The following CCDC171 variants were observed in gnomAD, a reference collection of about 807,000 sequenced individuals.
CCDC171 encodes coiled-coil domain-containing protein 171.
Under a neutral mutation model 168.2 loss-of-function variants are expected in CCDC171, and 177 were observed. The ratio of observed to expected loss-of-function variants is 1.05; its 90% CI spans 0.93 to 1.19. The LOEUF is 1.19. CCDC171 is among the 50% of genes most tolerant of loss of function. CCDC171 has a pLI of 0.00. For synonymous variants in CCDC171, 687 were observed against 540.8 expected (o/e 1.27, Z -3.75); for missense variants, 1,991 against 1,539.0 (o/e 1.29, Z -4.91).
chr9:16,036,619 G>A (rs1327726253), intron 8 of CCDC171, among the ~76,000 whole-genome samples: 1 of 152,270 alleles, frequency 6.6e-6, no homozygotes, highest in Non-Finnish European at 1.5e-5. Context: ...ACTCCAGCCT[G>A]GGCCACAGAG....
At chr9:16,013,925 G>T (rs1207320917) in intron 3 of CCDC171, among the ~76,000 whole-genome samples, 6 of 152,200 alleles carry the variant, frequency 3.9e-5, no homozygotes, top group Non-Finnish European at 8.8e-5. Flanking sequence ...ATCTTGTCTT[G>T]ATGTTGATGG....
rs183118198 is a variant in CCDC171 at position 15,816,114 on chromosome 9, T to C, written c.3268-30588T>C. On this transcript the variant is annotated intron_variant, in intron 21 of 25. Coordinates refer to ENST00000380701, the MANE Select transcript of CCDC171 (RefSeq NM_173550.4). Reference sequence around the variant, plus strand: ...GTCCTATTATGATATGATAATTTCCTTTTTTCAAAGTGTATGTTCTCATAC... The same window carrying C: ...GTCCTATTATGATATGATAATTTCCCTTTTTCAAAGTGTATGTTCTCATAC... Among the ~76,000 whole-genome samples, 539 of 118,122 alleles carry C rather than the reference T, an allele frequency of 4.6e-3. 119 individuals carry two copies. Among genetic ancestry groups the C allele is most frequent in the East Asian group, 0.032 (150 of 4,694 alleles). The allele number at this position is 118,122 out of a possible 152,430, so 77.5% of individuals were successfully genotyped here.
chr9:15,597,438 G>C (rs566749923), intron 6 of CCDC171, among the ~76,000 whole-genome samples: 3 of 152,076 alleles, frequency 2.0e-5, no homozygotes, highest in Non-Finnish European at 2.9e-5. Flanking sequence ...TTTATGTGAT[G>C]GATTACGTTT....
intron 7 of CCDC171, among the ~76,000 whole-genome samples, chr9:15,656,113 A>G (rs1039041018): frequency 4.6e-5 from 7 of 152,194 alleles, no homozygotes; most frequent in Admixed American, 4.6e-4. Context: ...AGGTCAGGAG[A>G]TCGAGACCAT....
At chr9:15,837,542 G>A (rs1010320515) in intron 21 of CCDC171, among the ~76,000 whole-genome samples, 1 of 152,130 alleles carries the variant, frequency 6.6e-6, no homozygotes, top group Non-Finnish European at 1.5e-5. Flanking sequence ...AACTATTACT[G>A]CCTGAACAAA....
At chr9:16,038,985 T>A (rs1028060565), upstream of CCDC171, among the ~76,000 whole-genome samples, 14 of 152,048 alleles carry the variant, frequency 9.2e-5, no homozygotes, top group African/African-American at 3.4e-4. Flanking sequence ...ATATATAATA[T>A]GATAGTCTCA....
Position 15,696,255 on chromosome 9 carries a change from G to A in CCDC171, c.1318+918G>A, listed in dbSNP as rs535979066. Among the ~76,000 whole-genome samples the A allele has an allele frequency of 5.3e-5, 8 of 152,258 alleles. No individual in the cohort carries two copies. In the South Asian group the frequency reaches 1.5e-3, roughly 28 times the overall value. ...AGGAAGTTTTTGTCCTTGAAAACTT[G>A]GAAGGACCTCATCAAGGTTCATATT... On this transcript the variant is annotated intron_variant, in intron 11 of 25. Coordinates refer to ENST00000380701, the MANE Select transcript of CCDC171 (RefSeq NM_173550.4).
intron 10 of CCDC171, among the ~76,000 whole-genome samples, chr9:15,681,126 G>C (rs2050015750): frequency 6.6e-6 from 1 of 151,998 alleles, no homozygotes; most frequent in Non-Finnish European, 1.5e-5. Context: ...AGCAACCTTT[G>C]TTTTCCTGTT....
chr9:15,913,886 T>G (rs572313360), intron 24 of CCDC171, among the ~76,000 whole-genome samples: 7 of 152,372 alleles, frequency 4.6e-5, no homozygotes, highest in African/African-American at 1.7e-4. Context: ...GTTTTCCTTC[T>G]AACAGTCAGG....
At chr9:15,925,978 C>G (rs1296238650) in intron 25 of CCDC171, among the ~76,000 whole-genome samples, 2 of 151,566 alleles carry the variant, frequency 1.3e-5, no homozygotes, top group South Asian at 4.2e-4. Context: ...GGTATGGAGA[C>G]AGAGGTGAAT....
the CCDC171 span, among the ~76,000 whole-genome samples, chr9:16,097,982 TA>T: frequency 2.0e-5 from 3 of 152,320 alleles, no homozygotes; most frequent in Admixed American, 6.5e-5. Context: ...TATATGGAAC[TA>T]GCAGTTAGCA....
chr9:15,904,837 C>A (rs1381130145), intron 24 of CCDC171, among the ~76,000 whole-genome samples: 4 of 151,412 alleles, frequency 2.6e-5, no homozygotes, highest in Admixed American at 2.6e-4. Context: ...ATCTACCAAG[C>A]AAATGGAAAA....
intron 21 of CCDC171, among the ~76,000 whole-genome samples, chr9:15,835,763 A>G (rs975335370): frequency 3.0e-4 from 45 of 152,158 alleles, no homozygotes; most frequent in African/African-American, 9.4e-4. Context: ...GTTTATACAT[A>G]TTATATTGAA....
chr9:15,642,314 C>CAT (rs200134372), intron 7 of CCDC171, among the ~76,000 whole-genome samples: 1 of 76,284 alleles, frequency 1.3e-5, no homozygotes, highest in Admixed American at 1.8e-4. Flanking sequence ...TATGTATACA[C>CAT]GTATATATAT....
At chr9:16,011,541 C>T (rs1284855551) in intron 3 of CCDC171, among the ~76,000 whole-genome samples, 2 of 151,984 alleles carry the variant, frequency 1.3e-5, no homozygotes, top group Admixed American at 1.3e-4. Context: ...CAACAGAGCC[C>T]AATTATGCAG....
chr9:15,783,510 C>G (rs923275078), intron 20 of CCDC171, among the ~76,000 whole-genome samples: 5 of 152,154 alleles, frequency 3.3e-5, no homozygotes, highest in Admixed American at 2.0e-4. Context: ...TAAATAGATA[C>G]ATGTATAACT....
rs569197110 is a variant in CCDC171 at position 15,900,894 on chromosome 9, G to A, written c.3601-19376G>A. On this transcript the variant is annotated intron_variant, in intron 24 of 25. Transcript: ENST00000380701. Reference sequence around the variant, plus strand: ...GCCACCCTGCACAGCCCTAAGTACGGGAAGAGTCAACTAGCTCAGTTGCTT... The same window carrying A: ...GCCACCCTGCACAGCCCTAAGTACGAGAAGAGTCAACTAGCTCAGTTGCTT... 1.9e-3 allele frequency among the ~76,000 whole-genome samples: 294 copies of A among 152,182 alleles called. 2 individuals carry two copies. The highest frequency in any genetic ancestry group is 6.8e-3 in the African/African-American group (281 of 41,510).
chr9:16,028,493 C>G (rs927151901), intron 6 of CCDC171, among the ~76,000 whole-genome samples: 5 of 152,114 alleles, frequency 3.3e-5, no homozygotes, highest in Non-Finnish European at 7.4e-5. Flanking sequence ...ATAAGACACC[C>G]ATATATGGGC....
intron 25 of CCDC171, among the ~76,000 whole-genome samples, chr9:15,924,035 A>G (rs1438941408): frequency 2.0e-5 from 3 of 151,502 alleles, no homozygotes; most frequent in Non-Finnish European, 4.4e-5. Flanking sequence ...ATATAGGTAT[A>G]TAGATAGATC....
Sources: gnomAD v4.1 joint callset for allele counts (sites outside exome capture counted in the v4.1 genomes callset) on GRCh38, gnomAD v4.1.1 for gene constraint, MANE v1.5 for transcripts, NCBI Gene and HGNC (gene_info 2026-07-23, HGNC 2026-07-21) for gene names.